Variants in MEI1 observed in about 807,000 individuals in gnomAD.
MEI1 encodes meiosis inhibitor protein 1.
MEI1 carries 103 observed loss-of-function variants against 146.2 expected under a neutral mutation model. That is an observed-to-expected ratio of 0.70 (90% CI 0.60 to 0.83). The LOEUF is 0.83. MEI1 is among the 40% of genes least tolerant of loss of function. The probability of loss-of-function intolerance (pLI) is 0.00; values close to 1 mark genes in which losing one functional copy is unlikely to be tolerated. For synonymous variants in MEI1, 652 were observed against 628.2 expected, an observed-to-expected ratio of 1.04 and a Z score of -0.57; for missense variants, 1,529 against 1,533.0, an observed-to-expected ratio of 1.00 and a Z score of 0.04.
At chr22:41,766,087 T>C (rs1488277062) in intron 19 of MEI1, among the ~76,000 whole-genome samples, 3 of 151,680 alleles carry the variant, frequency 2.0e-5, no homozygotes, top group Non-Finnish European at 4.4e-5. Flanking sequence ...GAGACGGGGT[T>C]TCACCGTATT....
At chr22:41,750,179 C>G (rs1437884498) in intron 15 of MEI1, among the ~76,000 whole-genome samples, 2 of 152,064 alleles carry the variant, frequency 1.3e-5, no homozygotes, top group African/African-American at 4.8e-5. Flanking sequence ...TGAGATTCTT[C>G]AAAGTTGAGG....
In MEI1 at chr22:41,781,372, C is replaced by T. The variant is rs1478729077; in HGVS notation, c.2904C>T (p.Thr968=). The part of the protein sequence containing the change: ...FNFLYWSLHQ[T]TPSSQKRAAA... ...TCCTGTATTGGAGCCTTCATCAGAC[C>T]ACACCCAGCAGTCAGAAAAGAGGTG... Residue 968 remains threonine (T), a synonymous_variant, in exon 23 of 31, where the codon ACC becomes ACT. Coordinates refer to ENST00000401548, the MANE Select transcript of MEI1 (RefSeq NM_152513.4). 1.2e-6 allele frequency: 2 copies of T among 1,613,236 alleles called. No homozygotes were observed. The highest frequency in any genetic ancestry group is 2.2e-5 in the South Asian group (2 of 90,856).
intron 15 of MEI1, 27 bp from the exon 16 acceptor site, chr22:41,752,564 C>G (rs749108912): frequency 4.4e-6 from 7 of 1,577,974 alleles, no homozygotes; most frequent in Middle Eastern, 3.3e-4. Context: ...TTAAACTGCT[C>G]TCTGCTTTAT....
At chr22:41,729,568 G>A (rs1317462424) in intron 7 of MEI1, 97 bp from the exon 8 acceptor site, 5 of 743,244 alleles carry the variant, frequency 6.7e-6, no homozygotes, top group South Asian at 4.5e-5. Flanking sequence ...AGGAAGGATC[G>A]AAAATGAATT....
chr22:41,729,973 A>C (rs970617659), intron 8 of MEI1, among the ~76,000 whole-genome samples, 194 bp downstream of exon 8: 1 of 152,160 alleles, frequency 6.6e-6, no homozygotes, highest in African/African-American at 2.4e-5. Context: ...ATAAAAACCT[A>C]ATGTGGGGTG....
At chr22:41,729,194 A>T (rs775150944) in intron 7 of MEI1, among the ~76,000 whole-genome samples, 3 of 141,096 alleles carry the variant, frequency 2.1e-5, no homozygotes, top group African/African-American at 8.0e-5. Context: ...GGTACCAGGC[A>T]TGGTAGCATG....
chr22:41,701,013 C>T (rs1400271154), intron 1 of MEI1, among the ~76,000 whole-genome samples: 1 of 150,006 alleles, frequency 6.7e-6, no homozygotes, highest in African/African-American at 2.5e-5. Flanking sequence ...AATCTCAGCT[C>T]ACCGCAACCT....
rs116130091 is a variant in MEI1, at chr22:41,749,600, T to G, written c.1792+1382T>G. On this transcript the variant is annotated intron_variant, in intron 15 of 30. Coordinates refer to ENST00000401548, the MANE Select transcript of MEI1 (RefSeq NM_152513.4). ...TGGAATTTGGATTTTATCCTAGGAG[T>G]TTTGTTGAGTTTTAAAGAAGTGGAG... 5.4e-3 allele frequency among the ~76,000 whole-genome samples: 824 copies of G among 151,898 alleles called. 12 individuals carry two copies. Among genetic ancestry groups the G allele is most frequent in the African/African-American group, 0.019 (794 of 41,416 alleles).
chr22:41,708,603 C>G (rs2069286122), intron 3 of MEI1, among the ~76,000 whole-genome samples: 1 of 152,198 alleles, frequency 6.6e-6, no homozygotes. Context: ...ATGCTCTGAA[C>G]AGGAAAAGTT....
chr22:41,719,770 T>A (rs1241598604), intron 6 of MEI1, among the ~76,000 whole-genome samples: 1 of 152,180 alleles, frequency 6.6e-6, no homozygotes, highest in Non-Finnish European at 1.5e-5. Context: ...GCTATTTTTT[T>A]ACATAAATAC....
intron 14 of MEI1, among the ~76,000 whole-genome samples, chr22:41,747,736 C>CCCCAAAAA (rs1569240908): frequency 7.5e-6 from 1 of 133,232 alleles, no homozygotes; most frequent in Non-Finnish European, 1.6e-5. Context: ...CCCACCCCCC[C>CCCCAAAAA]AAAAAAAACA....
At chr22:41,731,343 C>T (rs554218711) in intron 9 of MEI1, among the ~76,000 whole-genome samples, 116 of 151,354 alleles carry the variant, frequency 7.7e-4, no homozygotes, top group African/African-American at 2.6e-3. Context: ...TGAGCCACCA[C>T]GCCAGGCGAC....
chr22:41,730,472 G>A (rs774074834), intron 8 of MEI1, 49 bp from the exon 9 acceptor site: 10 of 1,293,018 alleles, frequency 7.7e-6, no homozygotes, highest in South Asian at 5.9e-5. Context: ...TTAAGGGATC[G>A]TGATCACATG....
At chr22:41,761,515 T>C (rs1449946787) in intron 18 of MEI1, among the ~76,000 whole-genome samples, 1 of 151,900 alleles carries the variant, frequency 6.6e-6, no homozygotes, top group Non-Finnish European at 1.5e-5. Flanking sequence ...GGAGTTTCAC[T>C]GTGTTAGCCA....
chr22:41,731,815 T>C (rs1223927242), intron 9 of MEI1, among the ~76,000 whole-genome samples: 5 of 152,036 alleles, frequency 3.3e-5, no homozygotes, highest in Admixed American at 3.3e-4. Context: ...CAAAGGGAAA[T>C]TTCATTATGA....
intron 17 of MEI1, among the ~76,000 whole-genome samples, chr22:41,757,588 C>G (rs2074181331): frequency 6.6e-6 from 1 of 151,990 alleles, no homozygotes; most frequent in East Asian, 1.9e-4. Flanking sequence ...AACTCCTGAC[C>G]TCAGGTGATA....
At chr22:41,719,415 GATTTC>G (rs2070534847) in intron 6 of MEI1, among the ~76,000 whole-genome samples, 1 of 152,140 alleles carries the variant, frequency 6.6e-6, no homozygotes, top group South Asian at 2.1e-4. Context: ...TCGAACTCCT[GATTTC>G]AGGTGATCTG....
At chr22:41,757,077 C>A (rs2074139045) in intron 17 of MEI1, among the ~76,000 whole-genome samples, 1 of 152,090 alleles carries the variant, frequency 6.6e-6, no homozygotes, top group Non-Finnish European at 1.5e-5. Context: ...TTCTCCTCAC[C>A]CTCCACAGTT....
At chr22:41,702,510 G>A (rs1275822456) in intron 1 of MEI1, among the ~76,000 whole-genome samples, 3 of 148,316 alleles carry the variant, frequency 2.0e-5, no homozygotes, top group African/African-American at 5.0e-5. Flanking sequence ...GCAATGGCGC[G>A]ATCTTGGCTC....
Sources: allele counts gnomAD v4.1 joint callset (sites outside exome capture counted in the v4.1 genomes callset), GRCh38; gene constraint gnomAD v4.1.1; transcripts MANE v1.5; gene names NCBI Gene and HGNC (gene_info 2026-07-23, HGNC 2026-07-21).